The following ANXA8 variants were observed in gnomAD, a reference collection of about 807,000 sequenced individuals.
ANXA8 encodes VAC-beta.
A neutral mutation model predicts 26.8 loss-of-function variants in ANXA8; 9 were observed. That is an observed-to-expected ratio of 0.34 (90% confidence interval 0.20 to 0.59). The LOEUF (loss-of-function observed/expected upper bound fraction) is 0.59, where lower values mean the gene tolerates loss of function less well. ANXA8 is among the 20% of genes least tolerant of loss of function. The pLI, the probability that ANXA8 is intolerant of heterozygous loss-of-function variation, is 0.84. For synonymous variants in ANXA8, 39 were observed against 94.8 expected, an observed-to-expected ratio of 0.41 and a Z score of 3.42; for missense variants, 83 against 238.5, an observed-to-expected ratio of 0.35 and a Z score of 4.29.
At chr10:47,689,282 T>C in the ANXA8 span, among the ~76,000 whole-genome samples, 58,738 of 149,194 alleles carry the variant, frequency 0.39, 9,604 homozygotes, top group African/African-American at 0.57. Context: ...TGGGTTCAAG[T>C]GATTCTTCTG....
chr10:47,495,060 C>G, the ANXA8 span, among the ~76,000 whole-genome samples: 1 of 149,780 alleles, frequency 6.7e-6, no homozygotes, highest in Non-Finnish European at 1.5e-5. Context: ...ATAACCACCT[C>G]TCCTCTCTCT....
chr10:47,667,106 T>C, the ANXA8 span, among the ~76,000 whole-genome samples: 1 of 152,046 alleles, frequency 6.6e-6, no homozygotes, highest in Non-Finnish European at 1.5e-5. Flanking sequence ...TTTCTCATAG[T>C]GCCCAGCAAT....
At chr10:47,563,779 C>T in the ANXA8 span, 393 of 752,458 alleles carry the variant, frequency 5.2e-4, 4 homozygotes, top group East Asian at 8.8e-3. Context: ...TATACCTTAT[C>T]GGAACTGATT....
At chr10:47,693,342 T>G in the ANXA8 span, among the ~76,000 whole-genome samples, 2 of 149,896 alleles carry the variant, frequency 1.3e-5, no homozygotes, top group Non-Finnish European at 3.0e-5. Flanking sequence ...CAGGCTAGAG[T>G]GCAGTGGCGC....
the ANXA8 span, among the ~76,000 whole-genome samples, chr10:47,530,440 C>T: frequency 6.7e-6 from 1 of 149,118 alleles, no homozygotes; most frequent in South Asian, 2.1e-4. Context: ...GTAATCCCAG[C>T]ACTTTGGGAG....
the ANXA8 span, among the ~76,000 whole-genome samples, chr10:47,621,751 G>A: frequency 1.8e-5 from 2 of 108,318 alleles, 1 homozygote; most frequent in Non-Finnish European, 4.0e-5. Flanking sequence ...CTGTAACAGA[G>A]CTCTAGGCTA....
At chr10:47,645,363 G>A in the ANXA8 span, among the ~76,000 whole-genome samples, 49 of 147,992 alleles carry the variant, frequency 3.3e-4, no homozygotes, top group South Asian at 7.8e-3. Context: ...CGTATTTGTC[G>A]TCTCAGTTAA....
At chr10:47,550,004 C>T in the ANXA8 span, among the ~76,000 whole-genome samples, 21 of 151,630 alleles carry the variant, frequency 1.4e-4, no homozygotes, top group African/African-American at 4.9e-4. Flanking sequence ...GTGGCATACA[C>T]TACTCAGGAG....
chr10:47,735,653 AT>A, the ANXA8 span, among the ~76,000 whole-genome samples: 1 of 149,360 alleles, frequency 6.7e-6, no homozygotes, highest in Non-Finnish European at 1.5e-5. Context: ...ATCTTATTTT[AT>A]TTTATTTTTA....
the ANXA8 span, among the ~76,000 whole-genome samples, chr10:47,744,441 A>AG: frequency 4.7e-4 from 3 of 6,360 alleles, no homozygotes; most frequent in Non-Finnish European, 8.1e-4. Context: ...AGGGGGGAAG[A>AG]GGGGGGGCCT....
chr10:47,567,610 G>A, the ANXA8 span, among the ~76,000 whole-genome samples: 2 of 151,800 alleles, frequency 1.3e-5, no homozygotes, highest in African/African-American at 2.4e-5. Context: ...TCCTGTTCCC[G>A]TTCCCTCTGT....
chr10:47,733,203 T>TCTCTCTCTCTC, the ANXA8 span, among the ~76,000 whole-genome samples: 1 of 107,730 alleles, frequency 9.3e-6, no homozygotes, highest in African/African-American at 3.2e-5. Flanking sequence ...CTTTCTTTCT[T>TCTCTCTCTCTC]TCTTTCTTTC....
intron 11 of ANXA8, among the ~76,000 whole-genome samples, chr10:47,469,512 G>A (rs1206619157): frequency 6.6e-6 from 1 of 151,452 alleles, no homozygotes; most frequent in Non-Finnish European, 1.5e-5. Context: ...GCTCACATCG[G>A]GTCCACAGTG....
the ANXA8 span, among the ~76,000 whole-genome samples, chr10:47,768,949 C>T: frequency 1.3e-5 from 2 of 148,784 alleles, no homozygotes; most frequent in African/African-American, 5.1e-5. Flanking sequence ...TGACATGTGC[C>T]TGGGGACTTG....
the ANXA8 span, among the ~76,000 whole-genome samples, chr10:47,733,171 T>TTCTTTCTCTCTCTC: frequency 9.9e-6 from 1 of 100,814 alleles, no homozygotes; most frequent in African/African-American, 3.2e-5. Context: ...CTTTCTTTCT[T>TTCTTTCTCTCTCTC]TCTTTCTTTC....
chr10:47,749,458 G>A, the ANXA8 span, among the ~76,000 whole-genome samples: 1 of 148,980 alleles, frequency 6.7e-6, no homozygotes, highest in African/African-American at 2.5e-5. Flanking sequence ...CTCGTTAGGT[G>A]TAAAATATAT....
At chr10:47,743,353 T>TACATATATATAC in the ANXA8 span, among the ~76,000 whole-genome samples, 1,139 of 38,760 alleles carry the variant, frequency 0.029, 57 homozygotes, top group African/African-American at 0.078. Context: ...TATATATATA[T>TACATATATATAC]ACACATATAT....
chr10:47,733,225 T>TTTTTTCTC, the ANXA8 span, among the ~76,000 whole-genome samples: 2 of 58,326 alleles, frequency 3.4e-5, no homozygotes, highest in Non-Finnish European at 3.7e-5. Flanking sequence ...TTCTTTCTCT[T>TTTTTTCTC]TCTTTCTCTC....
chr10:47,604,924 G>A, the ANXA8 span, among the ~76,000 whole-genome samples: 5 of 150,560 alleles, frequency 3.3e-5, no homozygotes, highest in Non-Finnish European at 7.4e-5. Flanking sequence ...ATTTAATAAT[G>A]TAGTCAATGA....
Sources: allele counts gnomAD v4.1 joint callset (sites outside exome capture counted in the v4.1 genomes callset), GRCh38; gene constraint gnomAD v4.1.1; transcripts MANE v1.5; gene names NCBI Gene and HGNC (gene_info 2026-07-23, HGNC 2026-07-21).